Variants in DYNC2H1 observed in about 807,000 individuals in gnomAD.
DYNC2H1 encodes the protein dynein cytoplasmic 2 heavy chain 1, also known as cytoplasmic dynein 2 heavy chain 1.
DYNC2H1 carries 410 observed loss-of-function variants against 570.0 expected under a neutral mutation model. The observed-to-expected ratio is 0.72, with a 90% confidence interval of 0.66 to 0.78. The LOEUF is 0.78. DYNC2H1 is among the 30% of genes least tolerant of loss of function. DYNC2H1 has a pLI of 0.00. For missense variants in DYNC2H1, 4,865 were observed against 5,046.4 expected (o/e 0.96, Z 1.09); for synonymous variants, 1,688 against 1,677.6 (o/e 1.01, Z -0.15).
chr11:103,122,846 G>C lies in DYNC2H1; in HGVS notation c.1507G>C (p.Ala503Pro). The C allele has an allele frequency of 6.2e-7, 1 of 1,613,084 alleles. No homozygotes were observed. Among genetic ancestry groups the C allele is most frequent in the South Asian group, 1.1e-5 (1 of 90,922 alleles). ...TAAGGTAGATGATACTATCAAGATT[G>C]CAGAGGCTCTTTTATCTGACTTGCC... ...ELKVDDTIKI[A>P]EALLSDLPGF... Residue 503 changes from alanine to proline, a missense_variant, in exon 11 of 89, where the codon GCA (alanine) becomes CCA (proline). Transcript: ENST00000375735.
chr11:103,208,053 TAGA>T (rs2135110519), intron 52 of DYNC2H1, among the ~76,000 whole-genome samples: 1 of 152,058 alleles, frequency 6.6e-6, no homozygotes, highest in Admixed American at 6.5e-5. Flanking sequence ...AATATAGTGA[TAGA>T]AGAATGGGAT....
chr11:103,274,281 G>A (rs889101134), intron 70 of DYNC2H1, among the ~76,000 whole-genome samples: 1 of 152,026 alleles, frequency 6.6e-6, no homozygotes, highest in African/African-American at 2.4e-5. Flanking sequence ...GATCACTTGA[G>A]TCCAGGAGTT....
chr11:103,440,510 T>G (rs1944229402), intron 85 of DYNC2H1, among the ~76,000 whole-genome samples: 1 of 152,210 alleles, frequency 6.6e-6, no homozygotes, highest in Non-Finnish European at 1.5e-5. Flanking sequence ...GACAGAATTT[T>G]GTTGTTTATA....
In DYNC2H1 at chr11:103,439,558, G is replaced by A. The variant is rs1393468877; in HGVS notation, c.12456+3526G>A. Among the ~76,000 whole-genome samples the A allele has an allele frequency of 6.6e-6, 1 of 151,994 alleles. No homozygotes were observed. The highest frequency in any genetic ancestry group is 1.5e-5 in the Non-Finnish European group (1 of 67,968). ...ATGTTTTAAAGGGACTGTTTTAGCT[G>A]CAGTATGGAGAGAGTCTTAGTCTAC... On this transcript the variant is annotated intron_variant, in intron 85 of 88. Transcript: ENST00000375735. This position sits in a 1 kb window ranked among gnomAD's most constrained non-coding sequence, Gnocchi z 4.1.
intron 84 of DYNC2H1, among the ~76,000 whole-genome samples, chr11:103,416,287 C>T (rs1943278785): frequency 6.6e-6 from 1 of 152,122 alleles, no homozygotes; most frequent in African/African-American, 2.4e-5. Flanking sequence ...TACCCTAGAA[C>T]TTAAACTATA....
At position 103,157,630 on chromosome 11, in the gene DYNC2H1, A is replaced by C. The variant is rs770497738; in HGVS notation, c.4127+860A>C. ...TGTACAGAAGTATATCTGTACTTCTATTCTAATGTTCTGTATCTCTTACTT... is the reference window on the plus strand; with the variant it reads ...TGTACAGAAGTATATCTGTACTTCTCTTCTAATGTTCTGTATCTCTTACTT... On this transcript the variant is annotated intron_variant, in intron 26 of 88. Coordinates refer to ENST00000375735, the MANE Select transcript of DYNC2H1 (RefSeq NM_001377.3). The surrounding 1 kb of genome is among the most constrained non-coding windows in gnomAD (Gnocchi z 4.2). 6.6e-6 allele frequency among the ~76,000 whole-genome samples: 1 copy of C among 152,218 alleles called. No individual in the cohort carries two copies. The highest frequency in any genetic ancestry group is 2.4e-5 in the African/African-American group (1 of 41,474).
chr11:103,393,790 G>T (rs1942274449), intron 83 of DYNC2H1, among the ~76,000 whole-genome samples: 1 of 152,172 alleles, frequency 6.6e-6, no homozygotes, highest in African/African-American at 2.4e-5. Flanking sequence ...TATGGCTGGG[G>T]AGGCCTCACA....
At chr11:103,276,443 G>T (rs1403560987) in intron 70 of DYNC2H1, among the ~76,000 whole-genome samples, 1 of 151,874 alleles carries the variant, frequency 6.6e-6, no homozygotes, top group Non-Finnish European at 1.5e-5. Flanking sequence ...TAAATTATCT[G>T]TTAAAACTTG....
In DYNC2H1 at chr11:103,189,782, T is replaced by C; in HGVS notation, c.7403T>C (p.Leu2468Pro). The change falls in exon 45 of 89, where the codon CTT becomes CCT. Residue 2468 changes from leucine (L) to proline (P), a missense_variant. By Grantham distance (98) the Leu-to-Pro change is moderately conservative (BLOSUM62 -3). Transcript: ENST00000375735. The surrounding 1 kb of genome is among the most constrained non-coding windows in gnomAD (Gnocchi z 4.3). ...TGGGGTTCTTCATCAAAAATTTATCTTTTAGCAGGATCTATGGTACAAGTG... is the reference window on the plus strand; with the variant it reads ...TGGGGTTCTTCATCAAAAATTTATCCTTTAGCAGGATCTATGGTACAAGTG... Reference protein sequence around the residue: ...SIWGSSSKIYLLAGSMVQVYE... With the variant: ...SIWGSSSKIYPLAGSMVQVYE... 6.2e-7 allele frequency: 1 copy of C among 1,611,502 alleles called. No individual in the cohort carries two copies. The highest frequency in any genetic ancestry group is 8.5e-7 in the Non-Finnish European group (1 of 1,179,152).
At chr11:103,258,633 T>C (rs1198034772) in intron 69 of DYNC2H1, among the ~76,000 whole-genome samples, 1 of 152,206 alleles carries the variant, frequency 6.6e-6, no homozygotes, top group African/African-American at 2.4e-5. Flanking sequence ...CTTGGCTTTT[T>C]CACAGCACTG....
chr11:103,223,291 T>A (rs1863664809), intron 59 of DYNC2H1, among the ~76,000 whole-genome samples: 1 of 152,142 alleles, frequency 6.6e-6, no homozygotes, highest in South Asian at 2.1e-4. Flanking sequence ...ACCAACTCAC[T>A]TTTTCTTTAC....
intron 82 of DYNC2H1, among the ~76,000 whole-genome samples, chr11:103,331,621 T>A (rs1281217246): frequency 6.6e-6 from 1 of 152,088 alleles, no homozygotes; most frequent in East Asian, 1.9e-4. Context: ...ATGTTCAGCT[T>A]TCAAGAAAAC....
chr11:103,246,631 G>A (rs1015103888), intron 65 of DYNC2H1, among the ~76,000 whole-genome samples: 5 of 151,940 alleles, frequency 3.3e-5, no homozygotes, highest in East Asian at 1.9e-4. Context: ...CATCTTCTCC[G>A]CAGGGTTGGA....
intron 72 of DYNC2H1, among the ~76,000 whole-genome samples, chr11:103,282,596 A>G (rs1866184696): frequency 6.6e-6 from 1 of 151,968 alleles, no homozygotes; most frequent in Non-Finnish European, 1.5e-5. Flanking sequence ...TAATAACTTC[A>G]TTCAAATTTA....
intron 70 of DYNC2H1, 132 bp downstream of exon 70, chr11:103,260,109 A>G: frequency 1.8e-6 from 1 of 545,974 alleles, no homozygotes; most frequent in South Asian, 3.7e-5. Context: ...TTTTTCCAGA[A>G]CATTTAACTG....
chr11:103,170,021 C>T lies in DYNC2H1; in HGVS notation c.4969-87C>T. ...TTTAACCTGTTTGTTGCATTTTTAT[C>T]TTTTTAACTACAATCTCATGCTGTA... On this transcript the variant is annotated intron_variant, in intron 32 of 88. Coordinates refer to ENST00000375735, the MANE Select transcript of DYNC2H1 (RefSeq NM_001377.3). This position sits in a 1 kb window ranked among gnomAD's most constrained non-coding sequence, Gnocchi z 4.8. The T allele has an allele frequency of 5.6e-6, 7 of 1,244,508 alleles. No individual in the cohort carries two copies. The highest frequency in any genetic ancestry group is 5.3e-6 in the Non-Finnish European group (5 of 939,988). The allele number at this position is 1,244,508 out of a possible 1,614,324, so 77.1% of individuals were successfully genotyped here. A position where few individuals can be genotyped will look rare whatever the true frequency, so the allele number is the denominator to read the frequency against.
chr11:103,225,443 A>G (rs1863765512), intron 59 of DYNC2H1, among the ~76,000 whole-genome samples: 1 of 152,056 alleles, frequency 6.6e-6, no homozygotes, highest in African/African-American at 2.4e-5. Context: ...GTGAGAGACG[A>G]GGATCCAGTT....
intron 86 of DYNC2H1, 84 bp downstream of exon 86, chr11:103,455,379 T>C (rs1944752382): frequency 2.0e-6 from 2 of 1,004,206 alleles, no homozygotes; most frequent in African/African-American, 1.6e-5. Context: ...CTGCCCTTGA[T>C]TGTCAAGAAA....
At chr11:103,407,510 G>T (rs532349521) in intron 84 of DYNC2H1, 1 of 152,042 alleles carries the variant, frequency 6.6e-6, no homozygotes, top group South Asian at 2.1e-4. Context: ...AGCGTAAGTG[G>T]TAGAAAATTT....
Sources: allele counts gnomAD v4.1 joint callset (sites outside exome capture counted in the v4.1 genomes callset), GRCh38; gene constraint gnomAD v4.1.1; non-coding constraint Gnocchi (gnomAD v3.1); transcripts MANE v1.5; gene names NCBI Gene and HGNC (gene_info 2026-07-23, HGNC 2026-07-21).